IL23R: variants seen among roughly 807,000 people sequenced by gnomAD.
The protein encoded by IL23R is interleukin 23 receptor.
In IL23R, 34 loss-of-function variants were observed where a neutral mutation model predicts 56.9. The observed-to-expected ratio is 0.60, with a 90% confidence interval of 0.45 to 0.80. The LOEUF (loss-of-function observed/expected upper bound fraction) is 0.80. Ranked by LOEUF, IL23R falls within the 30% of genes least tolerant of loss-of-function variation. The pLI is 0.00. For synonymous variants in IL23R, 230 were observed against 249.2 expected (o/e 0.92, Z 0.73); for missense variants, 635 against 730.0 (o/e 0.87, Z 1.50).
At chr1:67,222,102 C>CTTTTTTTTTTTTTTTTTTT (rs72241835) in intron 7 of IL23R, among the ~76,000 whole-genome samples, 23 of 58,898 alleles carry the variant, frequency 3.9e-4, no homozygotes, top group African/African-American at 5.0e-4. Context: ...TTCTTTCTTT[C>CTTTTTTTTTTTTTTTTTTT]TTTTTTTTTT....
chr1:67,193,320 C>G, intron 4 of IL23R, among the ~76,000 whole-genome samples: 1 of 152,184 alleles, frequency 6.6e-6, no homozygotes, highest in South Asian at 2.1e-4. Context: ...ATACATAGAT[C>G]AGATTCTATA....
downstream of IL23R, among the ~76,000 whole-genome samples, chr1:67,264,664 A>T (rs1336095155): frequency 6.6e-6 from 1 of 152,232 alleles, no homozygotes; most frequent in Non-Finnish European, 1.5e-5. Context: ...TACTGCTAAG[A>T]TTACATCATT....
intron 7 of IL23R, among the ~76,000 whole-genome samples, chr1:67,220,803 A>G (rs1034697685): frequency 3.3e-5 from 5 of 152,196 alleles, no homozygotes; most frequent in South Asian, 2.1e-4. Context: ...ACAGGCTTCA[A>G]TCATAGCTCA....
chr1:67,218,168 G>A (rs940056347), intron 6 of IL23R, among the ~76,000 whole-genome samples: 13 of 151,658 alleles, frequency 8.6e-5, no homozygotes, highest in African/African-American at 2.9e-4. Context: ...GTGCTCCAGG[G>A]AAAAAAGGAT....
Position 67,228,329 on chromosome 1 carries a change from A to T in IL23R, c.956-8384A>T, listed in dbSNP as rs557172951. Among the ~76,000 whole-genome samples the T allele has an allele frequency of 9.1e-4, 133 of 145,842 alleles. 1 individual carries two copies. The highest frequency in any genetic ancestry group is 3.6e-3 in the Middle Eastern group (1 of 278). On this transcript the variant is annotated intron_variant, in intron 7 of 10. Transcript: ENST00000347310. ...CTTTCAAGTACCTGGAACTACAGGCATGCACCACCATACCCAGCTAATTTT... is the reference window on the plus strand; with the variant it reads ...CTTTCAAGTACCTGGAACTACAGGCTTGCACCACCATACCCAGCTAATTTT...
intron 7 of IL23R, among the ~76,000 whole-genome samples, chr1:67,226,301 G>A (rs1251768020): frequency 2.0e-5 from 3 of 152,222 alleles, no homozygotes; most frequent in Admixed American, 2.0e-4. Flanking sequence ...CTTGTCCAGT[G>A]TCCAGGAAGA....
intron 4 of IL23R, among the ~76,000 whole-genome samples, chr1:67,186,413 C>T (rs757727359): frequency 6.6e-6 from 1 of 152,012 alleles, no homozygotes; most frequent in African/African-American, 2.4e-5. Flanking sequence ...TGAGTTTTAG[C>T]ACCCATCACT....
rs184265984 is a variant in IL23R at position 67,248,512 on chromosome 1, G to A, written c.1149-7325G>A. On this transcript the variant is annotated intron_variant, in intron 9 of 10. Transcript: ENST00000347310. ...CCCTGGTTATTCTAGTTAGCAATTC[G>A]TCTTTTTTTCAAGGTTCTTAGCTTC... Among the ~76,000 whole-genome samples the A allele has an allele frequency of 7.9e-5, 12 of 152,016 alleles. No individual in the cohort carries two copies. The East Asian group carries it at 1.7e-3, about 22-fold the overall frequency.
At chr1:67,138,718 A>G (rs1646606495), upstream of IL23R, among the ~76,000 whole-genome samples, 1 of 152,174 alleles carries the variant, frequency 6.6e-6, no homozygotes. Flanking sequence ...CTACCTTGTA[A>G]CTTAATGGGA....
chr1:67,179,297 C>G (rs533181969), intron 3 of IL23R, among the ~76,000 whole-genome samples: 10 of 152,218 alleles, frequency 6.6e-5, no homozygotes, highest in African/African-American at 2.2e-4. Flanking sequence ...ATTTCAGAGC[C>G]TATTATTGGC....
intron 3 of IL23R, among the ~76,000 whole-genome samples, chr1:67,179,187 G>A (rs148538512): frequency 0.01 from 1,554 of 152,246 alleles, 27 homozygotes; most frequent in African/African-American, 0.036. Context: ...GTTTCAGAAG[G>A]AATGGTACCA....
chr1:67,172,318 T>C (rs1646953415), intron 3 of IL23R, among the ~76,000 whole-genome samples: 1 of 152,218 alleles, frequency 6.6e-6, no homozygotes, highest in Non-Finnish European at 1.5e-5. Context: ...TGATTATATG[T>C]ATTTTTTTAG....
At chr1:67,249,817 C>A (rs1310335156) in intron 9 of IL23R, among the ~76,000 whole-genome samples, 1 of 152,050 alleles carries the variant, frequency 6.6e-6, no homozygotes, top group Non-Finnish European at 1.5e-5. Flanking sequence ...TAATGCTTAA[C>A]CAGTTTGACC....
chr1:67,191,513 C>T (rs890681382), intron 4 of IL23R, among the ~76,000 whole-genome samples: 2 of 152,178 alleles, frequency 1.3e-5, no homozygotes, highest in African/African-American at 4.8e-5. Context: ...GGATCATTCC[C>T]ATTGGCTTTT....
At chr1:67,225,673 T>A (rs1166844564) in intron 7 of IL23R, among the ~76,000 whole-genome samples, 1 of 149,764 alleles carries the variant, frequency 6.7e-6, no homozygotes, top group Non-Finnish European at 1.5e-5. Context: ...CACCTGGCTA[T>A]TTTTTTTTGC....
At chr1:67,261,317 C>CT (rs34805261), downstream of IL23R, among the ~76,000 whole-genome samples, 16,345 of 131,506 alleles carry the variant, frequency 0.12, 1,440 homozygotes, top group African/African-American at 0.26. Context: ...AGAAATTTAT[C>CT]TTTTTTTTTT....
intron 1 of IL23R, among the ~76,000 whole-genome samples, chr1:67,148,090 TG>T (rs1646695672): frequency 1.3e-5 from 2 of 152,232 alleles, no homozygotes; most frequent in Non-Finnish European, 2.9e-5. Context: ...GGGATGAACC[TG>T]GGCACTTAGC....
intron 2 of IL23R, 63 bp downstream of exon 2, chr1:67,168,253 C>T (rs1268454299): frequency 1.9e-5 from 22 of 1,158,096 alleles, no homozygotes; most frequent in Non-Finnish European, 2.9e-5. Flanking sequence ...GAGTGATTAT[C>T]ATTTTCATGG....
At chr1:67,177,916 T>G (rs1647032928) in intron 3 of IL23R, among the ~76,000 whole-genome samples, 1 of 151,138 alleles carries the variant, frequency 6.6e-6, no homozygotes, top group Non-Finnish European at 1.5e-5. Context: ...TTGTCAAAGA[T>G]CAGATGGTTG....
Sources: gnomAD v4.1 joint callset for allele counts (sites outside exome capture counted in the v4.1 genomes callset) on GRCh38, gnomAD v4.1.1 for gene constraint, MANE v1.5 for transcripts, NCBI Gene and HGNC (gene_info 2026-07-23, HGNC 2026-07-21) for gene names.